BEND2: variants seen among roughly 807,000 people sequenced by gnomAD.
The protein encoded by BEND2 is BEN domain containing 2.
Under a neutral mutation model 43.8 loss-of-function variants are expected in BEND2, and 19 were observed. The observed-to-expected ratio is 0.43, with a 90% confidence interval of 0.30 to 0.64. The LOEUF is 0.64. Among genes scored for constraint, BEND2 ranks in the 30% least tolerant of loss-of-function variants. The probability of loss-of-function intolerance (pLI) is 0.11; values close to 1 mark genes in which losing one functional copy is unlikely to be tolerated. For synonymous variants in BEND2, 226 were observed against 210.1 expected (o/e 1.08, Z -0.66); for missense variants, 544 against 574.0 (o/e 0.95, Z 0.53).
At position 18,171,148 on chromosome X, in the gene BEND2, C is replaced by T. The variant is rs1439541925; in HGVS notation, c.2038G>A (p.Ala680Thr). The change falls in exon 13 of 14, where the codon GCA (alanine) becomes ACA (threonine). Residue 680 changes from alanine to threonine, a missense_variant. This residue lies in a region of BEND2 where 501 missense variants were observed against 501.6 expected (regional missense o/e 1.00). Coordinates refer to ENST00000380033, the MANE Select transcript of BEND2 (RefSeq NM_153346.5). ...AGGCTTGCGCAAGACTTAGTTTTTG[C>T]CAAAGTCAGTACTGAACATGGCATC... is the stretch of plus-strand genomic sequence containing the variant. ...IRMPCSVLTLAKTKSCASLSA... is the reference protein window; with the variant it reads ...IRMPCSVLTLTKTKSCASLSA... 1 of 1,207,875 alleles carries T rather than the reference C, an allele frequency of 8.3e-7. No individual in the cohort carries two copies. Among genetic ancestry groups the T allele is most frequent in the Non-Finnish European group, 1.1e-6 (1 of 892,833 alleles).
chrX:18,219,138 A>G (rs1925766615), intron 1 of BEND2, among the ~76,000 whole-genome samples: 1 of 112,085 alleles, frequency 8.9e-6, no homozygotes, highest in Non-Finnish European at 1.9e-5. Flanking sequence ...CCAGAACCGT[A>G]TCCCATCGCC....
chrX:18,214,757 G>A (rs1263528270), intron 2 of BEND2, among the ~76,000 whole-genome samples: 3 of 87,504 alleles, frequency 3.4e-5, no homozygotes, highest in Non-Finnish European at 6.4e-5. Flanking sequence ...ATTGCAGTGA[G>A]CCGAGATCAC....
rs140956388 is a variant in BEND2, at chrX:18,208,899, C to T, written c.492+3666G>A. Among the ~76,000 whole-genome samples, 380 of 111,079 alleles carry T rather than the reference C, an allele frequency of 3.4e-3. 3 individuals are homozygous for T. The highest frequency in any genetic ancestry group is 0.011 in the African/African-American group (347 of 30,546). On this transcript the variant is annotated intron_variant, in intron 4 of 13. Transcript: ENST00000380033. ...ATGAACACACCTAGTGTCCAGATCTCGGTTTCTAAATACCAGTCTCCAACT... is the reference window on the plus strand; with the variant it reads ...ATGAACACACCTAGTGTCCAGATCTTGGTTTCTAAATACCAGTCTCCAACT...
chrX:18,200,240 T>A (rs899052609), intron 6 of BEND2, among the ~76,000 whole-genome samples: 3 of 111,308 alleles, frequency 2.7e-5, no homozygotes, highest in Non-Finnish European at 5.7e-5. Flanking sequence ...TGGTGGCTCA[T>A]GCCTGTAGTC....
intron 8 of BEND2, among the ~76,000 whole-genome samples, chrX:18,188,324 C>A (rs1006156560): frequency 9.0e-6 from 1 of 110,694 alleles, no homozygotes; most frequent in African/African-American, 3.3e-5. Context: ...TGATGACGAG[C>A]ATTTTTTCAT....
Position 18,204,207 on chromosome X carries a change from G to A in BEND2, c.493-292C>T, listed in dbSNP as rs191713057. Among the ~76,000 whole-genome samples, 23 of 112,127 alleles carry A rather than the reference G, an allele frequency of 2.1e-4. 1 individual carries two copies. In the East Asian group the frequency reaches 4.5e-3, roughly 22 times the overall value. On this transcript the variant is annotated intron_variant, in intron 4 of 13. Coordinates refer to ENST00000380033, the MANE Select transcript of BEND2 (RefSeq NM_153346.5). ...TTCTTCAACCCTACATTTTATACAT[G>A]ATATCTACTAACATAAAAATACTCA... is the stretch of plus-strand genomic sequence containing the variant.
chrX:18,175,395 C>T (rs1924112072), intron 11 of BEND2, among the ~76,000 whole-genome samples: 1 of 112,056 alleles, frequency 8.9e-6, no homozygotes, highest in Non-Finnish European at 1.9e-5. Flanking sequence ...TCCCTAATGG[C>T]CCGGTTGTGG....
At chrX:18,181,244 G>A (rs938357310) in intron 8 of BEND2, among the ~76,000 whole-genome samples, 1 of 111,408 alleles carries the variant, frequency 9.0e-6, no homozygotes, top group Admixed American at 9.6e-5. Context: ...TTAAAATGAG[G>A]TAATTAATTG....
chrX:18,203,800 C>A lies in BEND2; in HGVS notation c.608G>T (p.Ser203Ile), dbSNP rs760458967. ...ACHELQEADL[S>I]ESLSYPRIVS... ...AATTCTGGGATATGATAAACTCTCA[C>A]TGAGGTCTGCTTCCTGCAGTTCATG... Residue 203 changes from serine (S) to isoleucine (I), a missense_variant, in exon 5 of 14, where the codon AGT becomes ATT. This residue lies in a region of BEND2 where 501 missense variants were observed against 501.6 expected (regional missense o/e 1.00). Coordinates refer to ENST00000380033, the MANE Select transcript of BEND2 (RefSeq NM_153346.5). 9 of 1,210,983 alleles carry A rather than the reference C, an allele frequency of 7.4e-6. No individual in the cohort carries two copies. Among genetic ancestry groups the A allele is most frequent in the Non-Finnish European group, 1.0e-5 (9 of 894,656 alleles).
chrX:18,180,605 T>C lies in BEND2; in HGVS notation c.1334A>G (p.Glu445Gly), dbSNP rs1222900934. ...GCGATTCATTGTGTTGACGCTGTTT[T>C]CCGTGTTGGTGTCTACTTTTACCAA... ...NILVKVDTNT[E>G]NSVNTMNRST... Residue 445 changes from glutamate (E) to glycine (G), a missense_variant, in exon 9 of 14, where the codon GAA (glutamate) becomes GGA (glycine). By Grantham distance (98) the Glu-to-Gly change is moderately conservative. Coordinates refer to ENST00000380033, the MANE Select transcript of BEND2 (RefSeq NM_153346.5). 8.3e-7 allele frequency: 1 copy of C among 1,209,177 alleles called. No homozygotes were observed. Among genetic ancestry groups the C allele is most frequent in the Non-Finnish European group, 1.1e-6 (1 of 894,595 alleles).
intron 10 of BEND2, 148 bp downstream of exon 10, chrX:18,177,421 G>T: frequency 1.7e-6 from 1 of 585,774 alleles, no homozygotes; most frequent in Non-Finnish European, 2.7e-6. Context: ...TTATTAAGTT[G>T]TAAAATCAGG....
At chrX:18,215,543 A>G (rs1362390562) in intron 2 of BEND2, among the ~76,000 whole-genome samples, 1 of 112,080 alleles carries the variant, frequency 8.9e-6, no homozygotes, top group African/African-American at 3.2e-5. Context: ...ACATTTGTAA[A>G]TGATGGGGGG....
rs964250282 is a variant in BEND2 at position 18,167,716 on chromosome X, G to C, written c.2186-2493C>G. On this transcript the variant is annotated intron_variant, in intron 13 of 13. Transcript: ENST00000380033. ...GTAGCTAGGGAGTAGCTAGTAGCTA[G>C]TGTATGCCCAGCTAATTTTTGTATT... Among the ~76,000 whole-genome samples, 5 of 110,994 alleles carry C rather than the reference G, an allele frequency of 4.5e-5. 1 individual carries two copies. Among genetic ancestry groups the C allele is most frequent in the Non-Finnish European group, 9.4e-5 (5 of 52,989 alleles).
intron 1 of BEND2, 54 bp from the exon 2 acceptor site, chrX:18,216,787 T>G: frequency 1.1e-6 from 1 of 931,913 alleles, no homozygotes; most frequent in East Asian, 3.3e-5. Flanking sequence ...AATAAACAGT[T>G]TCTTGAGGAA....
intron 10 of BEND2, among the ~76,000 whole-genome samples, chrX:18,176,688 A>G (rs1430136623): frequency 9.0e-6 from 1 of 110,923 alleles, no homozygotes; most frequent in Non-Finnish European, 1.9e-5. Flanking sequence ...CTGAAAAAAA[A>G]AATTTTAAGT....
intron 7 of BEND2, among the ~76,000 whole-genome samples, chrX:18,195,094 T>C: frequency 8.9e-6 from 1 of 111,828 alleles, no homozygotes; most frequent in South Asian, 3.8e-4. Context: ...TGTTGTTTTT[T>C]GCTAAATATA....
intron 4 of BEND2, among the ~76,000 whole-genome samples, chrX:18,207,002 C>T (rs1270912451): frequency 9.0e-6 from 1 of 111,635 alleles, no homozygotes; most frequent in Admixed American, 9.4e-5. Context: ...TGACCATGGC[C>T]CTAGGCACCT....
At chrX:18,197,311 A>G (rs748656775) in intron 6 of BEND2, among the ~76,000 whole-genome samples, 16 of 110,886 alleles carry the variant, frequency 1.4e-4, no homozygotes, top group Non-Finnish European at 2.5e-4. Flanking sequence ...GGCATGCCCT[A>G]TAGTTCCAGC....
rs1238581335 is a variant in BEND2, at chrX:18,203,890, G to A, written c.518C>T (p.Ala173Val). 3.3e-6 allele frequency: 4 copies of A among 1,204,935 alleles called. No individual in the cohort carries two copies. The highest frequency in any genetic ancestry group is 2.2e-5 in the Admixed American group (1 of 45,862). Residue 173 changes from alanine (A) to valine (V), a missense_variant, in exon 5 of 14, where the codon GCG becomes GTG. This residue lies in a region of BEND2 where 501 missense variants were observed against 501.6 expected (regional missense o/e 1.00). Coordinates refer to ENST00000380033, the MANE Select transcript of BEND2 (RefSeq NM_153346.5). ...PEVQSSISPP[A>V]ERQETHAWAS... ...CCAGGCATGGGTTTCCTGCCTTTCCGCTGGTGGTGATATGCTAGACTGTAC... is the reference window on the plus strand; with the variant it reads ...CCAGGCATGGGTTTCCTGCCTTTCCACTGGTGGTGATATGCTAGACTGTAC...
Sources: gnomAD v4.1 joint callset for allele counts (sites outside exome capture counted in the v4.1 genomes callset) on GRCh38, gnomAD v4.1.1 for gene constraint, gnomAD v4.1.1 regional missense constraint, MANE v1.5 for transcripts, NCBI Gene and HGNC (gene_info 2026-07-23, HGNC 2026-07-21) for gene names.